The following HIPK1 variants were observed in gnomAD, a reference collection of about 807,000 sequenced individuals.
HIPK1 encodes the protein homeodomain-interacting protein kinase 1.
HIPK1 carries 28 observed loss-of-function variants against 117.1 expected under a neutral mutation model. That is an observed-to-expected ratio of 0.24 (90% CI 0.18 to 0.33). The LOEUF is 0.33. Ranked by LOEUF, HIPK1 falls within the 10% of genes least tolerant of loss-of-function variation. HIPK1 has a pLI of 1.00. For synonymous variants in HIPK1, 605 were observed against 562.5 expected (o/e 1.08, Z -1.07); for missense variants, 1,122 against 1,475.1 (o/e 0.76, Z 3.92).
chr1:113,970,273 T>G, intron 14 of HIPK1, 76 bp downstream of exon 14: 1 of 1,512,000 alleles, frequency 6.6e-7, no homozygotes, highest in Non-Finnish European at 9.1e-7. Flanking sequence ...CATAATCCAC[T>G]TATATCAGTG....
chr1:113,957,516 G>A (rs1056506823), intron 7 of HIPK1, among the ~76,000 whole-genome samples: 8 of 152,144 alleles, frequency 5.3e-5, no homozygotes, highest in African/African-American at 1.7e-4. Flanking sequence ...GTTCAGCATC[G>A]TCAAATAAAT....
chr1:113,930,824 G>C (rs1431867911), intron 1 of HIPK1: 3 of 152,164 alleles, frequency 2.0e-5, no homozygotes, highest in Non-Finnish European at 2.9e-5. Flanking sequence ...GGGAGGATGC[G>C]GGTAGGGAAG....
intron 8 of HIPK1, among the ~76,000 whole-genome samples, chr1:113,961,098 C>T (rs1386852194): frequency 6.6e-6 from 1 of 152,120 alleles, no homozygotes; most frequent in Non-Finnish European, 1.5e-5. Flanking sequence ...TTGCAAGTTT[C>T]GATAAAGTAC....
intron 15 of HIPK1, among the ~76,000 whole-genome samples, chr1:113,972,686 G>C (rs1263296504): frequency 1.3e-5 from 2 of 152,166 alleles, no homozygotes; most frequent in South Asian, 2.1e-4. Context: ...AGAAATAAAG[G>C]CTAGGAAAAA....
Position 113,977,138 on chromosome 1 carries a change from T to G in HIPK1, c.*3626T>G, listed in dbSNP as rs575557747. ...GTAATGTGTGTTTTGTTCAGCATTA[T>G]TATGCAAAAATTCACTAGTTGAGAT... On this transcript the variant is annotated 3_prime_UTR_variant, in exon 16 of 16. Transcript: ENST00000426820. 6.5e-6 allele frequency: 1 copy of G among 152,792 alleles called. No homozygotes were observed. Among genetic ancestry groups the G allele is most frequent in the African/African-American group, 2.4e-5 (1 of 41,544 alleles). The allele number at this position is 152,792 out of a possible 1,614,324, so 9.5% of individuals were successfully genotyped here.
Position 113,954,659 on chromosome 1 carries a change from T to C in HIPK1, c.1209T>C (p.Tyr403=), listed in dbSNP as rs1671594851. The C allele has an allele frequency of 1.2e-6, 2 of 1,613,962 alleles. No individual in the cohort carries two copies. Among genetic ancestry groups the C allele is most frequent in the Non-Finnish European group, 1.7e-6 (2 of 1,179,808 alleles). Residue 403 remains tyrosine (Y), a synonymous_variant, in exon 4 of 16, where the codon TAT becomes TAC. Coordinates refer to ENST00000426820, the MANE Select transcript of HIPK1 (RefSeq NM_198268.3). ...TGGTTTTGATGTTTCAGATTCGTTA[T>C]ATTTCACAAACACAAGGCTTGCCAG... is the stretch of plus-strand genomic sequence containing the variant. ...PGASEYDQIR[Y]ISQTQGLPAE...
In HIPK1 at chr1:113,973,038, G is replaced by T; in HGVS notation, c.3159G>T (p.Ser1053=). The change falls in exon 16 of 16, where the codon TCG becomes TCT. Residue 1053 remains serine, a synonymous_variant. Transcript: ENST00000426820. Reference sequence around the variant, plus strand: ...CTTTCTTCCAGAACCAGCAGTCATCGGCGGCTCCAACCTCACAGGAGAGAA... The same window carrying T: ...CTTTCTTCCAGAACCAGCAGTCATCTGCGGCTCCAACCTCACAGGAGAGAA... The part of the protein sequence containing the change: ...PLNLSQNQQS[S]AAPTSQERSS... 1 of 1,515,380 alleles carries T rather than the reference G, an allele frequency of 6.6e-7. No individual in the cohort carries two copies. The highest frequency in any genetic ancestry group is 2.3e-5 in the East Asian group (1 of 43,916). 93.9% of individuals were successfully genotyped at this position (1,515,380 alleles called of 1,614,324 possible). A position where few individuals can be genotyped will look rare whatever the true frequency, so the allele number is the denominator to read the frequency against.
chr1:113,942,202 A>G (rs991686534), intron 2 of HIPK1, among the ~76,000 whole-genome samples: 2 of 152,026 alleles, frequency 1.3e-5, no homozygotes, highest in African/African-American at 2.4e-5. Flanking sequence ...CTGGGACTAC[A>G]GGCACCTGCT....
At chr1:113,962,705 G>C (rs1435752931) in intron 9 of HIPK1, among the ~76,000 whole-genome samples, 1 of 152,148 alleles carries the variant, frequency 6.6e-6, no homozygotes, top group African/African-American at 2.4e-5. Flanking sequence ...TAATTTTGCG[G>C]GGTGAAGCGT....
chr1:113,929,857 G>T (rs1669727148), intron 1 of HIPK1: 2 of 987,498 alleles, frequency 2.0e-6, no homozygotes, highest in Non-Finnish European at 1.2e-6. Flanking sequence ...ATGATGACCC[G>T]GCTGCGGGGC....
chr1:113,967,814 A>G lies in HIPK1; in HGVS notation c.2430A>G (p.Pro810=), dbSNP rs543933499. The G allele has an allele frequency of 1.1e-5, 17 of 1,609,374 alleles. No homozygotes were observed. In the South Asian group the frequency reaches 1.2e-4, roughly 12 times the overall value. The change falls in exon 12 of 16, where the codon CCA becomes CCG. Residue 810 remains proline, a synonymous_variant. Transcript: ENST00000426820. ...GNQYSTIMQQ[P]SLLTNHVTLA... is the part of the protein sequence containing the mutation. Reference sequence around the variant, plus strand: ...AGTACAGCACTATCATGCAGCAGCCATCCTTGCTGACTAACCATGTGACAT... The same window carrying G: ...AGTACAGCACTATCATGCAGCAGCCGTCCTTGCTGACTAACCATGTGACAT...
chr1:113,966,249 T>C lies in HIPK1; in HGVS notation c.2358T>C (p.Ser786=), dbSNP rs1672438238. ...CAATGATTCCAGAGGCCATGGGGAG[T>C]GGACAGCAGCTAGCTGACTGGAGGC... ...PTAMIPEAMG[S]GQQLADWRNA... The change falls in exon 11 of 16, where the codon AGT becomes AGC. Residue 786 remains serine (S), a synonymous_variant. Coordinates refer to ENST00000426820, the MANE Select transcript of HIPK1 (RefSeq NM_198268.3). 6.2e-7 allele frequency: 1 copy of C among 1,612,550 alleles called. No individual in the cohort carries two copies. The highest frequency in any genetic ancestry group is 1.3e-5 in the African/African-American group (1 of 74,700).
rs1669675791 is a variant in HIPK1, at chr1:113,929,397, G to T, written c.-138G>T. Reference sequence around the variant, plus strand: ...CCGCAGAGTCTGCAGTGCGGAGGGGGCGGGAAGTCCAGGCCCCGCACTCGA... The same window carrying T: ...CCGCAGAGTCTGCAGTGCGGAGGGGTCGGGAAGTCCAGGCCCCGCACTCGA... On this transcript the variant is annotated 5_prime_UTR_variant, in exon 1 of 16. Transcript: ENST00000426820. The T allele has an allele frequency of 7.8e-7, 1 of 1,289,450 alleles. No individual in the cohort carries two copies. The highest frequency in any genetic ancestry group is 1.0e-6 in the Non-Finnish European group (1 of 988,866). The allele number at this position is 1,289,450 out of a possible 1,614,324, so 79.9% of individuals were successfully genotyped here. A position where few individuals can be genotyped will look rare whatever the true frequency, so the allele number is the denominator to read the frequency against.
In HIPK1 at chr1:113,968,455, G is replaced by T; in HGVS notation, c.2578G>T (p.Val860Phe). The T allele has an allele frequency of 6.2e-7, 1 of 1,613,438 alleles. No individual in the cohort carries two copies. Among genetic ancestry groups the T allele is most frequent in the Non-Finnish European group, 8.5e-7 (1 of 1,179,340 alleles). The stretch of plus-strand genomic sequence containing the variant: ...CTTTTCCTACAGGTCCTCTCTAGAT[G>T]TTCTGCCTTCCCAAGTCTATTCTCT... The part of the protein sequence containing the change: ...APVSSKSSLD[V>F]LPSQVYSLVG... Residue 860 changes from valine (V) to phenylalanine (F), a missense_variant, in exon 13 of 16, where the codon GTT becomes TTT. By Grantham distance (50) the Val-to-Phe change is conservative. Around this residue, in one of 6 missense-constraint regions of HIPK1, gnomAD observed 731 missense variants for 860.4 expected, o/e 0.85. Coordinates refer to ENST00000426820, the MANE Select transcript of HIPK1 (RefSeq NM_198268.3).
At chr1:113,966,085 AGAATGAATCAAGTCTG>A (rs762321598) in intron 10 of HIPK1, 29 bp from the exon 11 acceptor site, 2 of 1,568,078 alleles carry the variant, frequency 1.3e-6, no homozygotes, top group Non-Finnish European at 1.7e-6. Context: ...GAAAAAGCCA[AGAATGAATCAAGTCTG>A]GATGTTTTTT....
At chr1:113,945,851 T>G (rs1323470731) in intron 2 of HIPK1, among the ~76,000 whole-genome samples, 2 of 152,176 alleles carry the variant, frequency 1.3e-5, no homozygotes, top group African/African-American at 4.8e-5. Flanking sequence ...TCCATATAAA[T>G]TTTAGGATGG....
Position 113,958,201 on chromosome 1 carries a change from G to T in HIPK1, c.1891G>T (p.Gly631Cys). 1 of 1,614,076 alleles carries T rather than the reference G, an allele frequency of 6.2e-7. No individual in the cohort carries two copies. Among genetic ancestry groups the T allele is most frequent in the Non-Finnish European group, 8.5e-7 (1 of 1,180,006 alleles). The change falls in exon 8 of 16, where the codon GGT becomes TGT. Residue 631 changes from glycine (G) to cysteine (C), a missense_variant. Around this residue, in one of 6 missense-constraint regions of HIPK1, gnomAD observed 731 missense variants for 860.4 expected, o/e 0.85. Transcript: ENST00000426820. The stretch of plus-strand genomic sequence containing the variant: ...ACCAGTTCCTGGAGTTGCCCAGCAG[G>T]GTGTTTCCTTGCAGCCTGGAACCAC... ...AAPVPGVAQQGVSLQPGTTQI... is the reference protein window; with the variant it reads ...AAPVPGVAQQCVSLQPGTTQI...
rs140407123 is a variant in HIPK1 at position 113,956,408 on chromosome 1, A to G, written c.1408-219A>G. Among the ~76,000 whole-genome samples, 75 of 152,292 alleles carry G rather than the reference A, an allele frequency of 4.9e-4. 1 individual carries two copies. In the East Asian group the frequency reaches 7.9e-3, roughly 16 times the overall value. ...AATTTTTAATGACAAGAAATTGTTT[A>G]GCTTTCTTCTACCACTCAATTTAGA... On this transcript the variant is annotated intron_variant, in intron 5 of 15. Transcript: ENST00000426820.
At chr1:113,933,023 A>G (rs1201186835) in intron 1 of HIPK1, 1 of 180,982 alleles carries the variant, frequency 5.5e-6, no homozygotes, top group Admixed American at 6.5e-5. Context: ...TCCTCAAGGT[A>G]TAGTTTTCTT....
Sources: allele counts gnomAD v4.1 joint callset (sites outside exome capture counted in the v4.1 genomes callset), GRCh38; gene constraint gnomAD v4.1.1; regional missense constraint gnomAD v4.1.1; transcripts MANE v1.5; gene names NCBI Gene and HGNC (gene_info 2026-07-23, HGNC 2026-07-21).